Variants in MYBL1 observed in about 807,000 individuals in gnomAD.
MYBL1 encodes the protein MYB proto-oncogene like 1.
In MYBL1, 17 loss-of-function variants were observed where a neutral mutation model predicts 96.3. The observed-to-expected ratio is 0.18, with a 90% CI of 0.12 to 0.26. MYBL1 has a LOEUF of 0.26. MYBL1 is among the 10% of genes least tolerant of loss of function. The pLI, the probability that MYBL1 is intolerant of heterozygous loss-of-function variation, is 1.00. For missense variants in MYBL1, 701 were observed against 882.9 expected, an observed-to-expected ratio of 0.79 and a Z score of 2.61; for synonymous variants, 282 against 292.7, an observed-to-expected ratio of 0.96 and a Z score of 0.37.
chr8:66,593,444 T>C (rs2129944155), intron 6 of MYBL1, among the ~76,000 whole-genome samples: 1 of 152,332 alleles, frequency 6.6e-6, no homozygotes, highest in Non-Finnish European at 1.5e-5. Context: ...TGAGAATTAC[T>C]TAGCCTAGAT....
Position 66,564,700 on chromosome 8 carries a change from C to T in MYBL1, c.2256G>A (p.Leu752=), listed in dbSNP as rs1333156578. Reference sequence around the variant, plus strand: ...ATTTCATCAATTTTAATAACAATTACAGTATGAGAGCTCTTGAAGTACTAC... The same window carrying T: ...ATTTCATCAATTTTAATAACAATTATAGTATGAGAGCTCTTGAAGTACTAC... ...ATSSTSRALI[L] The change falls in exon 16 of 16, where the codon CTG becomes CTA. Residue 752 remains leucine, a synonymous_variant. Transcript: ENST00000522677. 5 of 1,573,656 alleles carry T rather than the reference C, an allele frequency of 3.2e-6. No individual in the cohort carries two copies. In the East Asian group the frequency reaches 9.2e-5, roughly 29 times the overall value.
At chr8:66,586,704 T>C (rs569395072) in intron 8 of MYBL1, among the ~76,000 whole-genome samples, 7 of 152,280 alleles carry the variant, frequency 4.6e-5, no homozygotes, top group African/African-American at 1.7e-4. Context: ...GAAAATCATA[T>C]ATGTACTTCC....
chr8:66,571,033 G>A (rs1439647985), intron 12 of MYBL1, among the ~76,000 whole-genome samples: 3 of 151,990 alleles, frequency 2.0e-5, no homozygotes, highest in Admixed American at 6.6e-5. Flanking sequence ...CTTTTGGGCA[G>A]AAAATTAATT....
At chr8:66,567,450 G>A (rs1312268457) in intron 12 of MYBL1, among the ~76,000 whole-genome samples, 1 of 151,918 alleles carries the variant, frequency 6.6e-6, no homozygotes, top group African/African-American at 2.4e-5. Flanking sequence ...TGAGAGCAAT[G>A]GTCAGGTCAT....
At chr8:66,599,801 CAA>C (rs879404223) in intron 3 of MYBL1, among the ~76,000 whole-genome samples, 2 of 131,082 alleles carry the variant, frequency 1.5e-5, no homozygotes, top group African/African-American at 2.8e-5. Context: ...ACTCTCATCT[CAA>C]AAAAAAAAAA....
Position 66,606,936 on chromosome 8 carries a change from G to A in MYBL1, c.21-4413C>T, listed in dbSNP as rs552124231. Among the ~76,000 whole-genome samples the A allele has an allele frequency of 8.7e-4, 133 of 152,068 alleles. 4 individuals are homozygous for A. The South Asian group carries it at 0.027, about 30-fold the overall frequency. On this transcript the variant is annotated intron_variant, in intron 1 of 15. Coordinates refer to ENST00000522677, the MANE Select transcript of MYBL1 (RefSeq NM_001080416.4). ...CTCCCAGGTAGAAGGAATTACAGGC[G>A]TCTGCCATCATGCCTGGCTAATTTT...
At chr8:66,606,421 AT>A (rs1810313716) in intron 1 of MYBL1, among the ~76,000 whole-genome samples, 2 of 152,354 alleles carry the variant, frequency 1.3e-5, no homozygotes, top group South Asian at 4.1e-4. Flanking sequence ...TCAAAAATTC[AT>A]TCTGATTTCA....
chr8:66,592,052 G>A lies in MYBL1; in HGVS notation c.867+388C>T, dbSNP rs1809667407. 2.0e-5 allele frequency among the ~76,000 whole-genome samples: 3 copies of A among 151,952 alleles called. No individual in the cohort carries two copies. The South Asian group carries it at 6.2e-4, about 32-fold the overall frequency. ...AGGCCAAGGCAGGAGAATCACTTGA[G>A]CCCAGGAGTTTGAGACCAGCCTGAG... On this transcript the variant is annotated intron_variant, in intron 8 of 15. Coordinates refer to ENST00000522677, the MANE Select transcript of MYBL1 (RefSeq NM_001080416.4).
At chr8:66,567,763 G>C (rs1808563701) in intron 12 of MYBL1, among the ~76,000 whole-genome samples, 1 of 151,924 alleles carries the variant, frequency 6.6e-6, no homozygotes, top group Admixed American at 6.6e-5. Context: ...AAAAGAACTG[G>C]CAGCACTTAA....
intron 9 of MYBL1, among the ~76,000 whole-genome samples, chr8:66,579,821 T>G (rs546233351): frequency 6.6e-6 from 1 of 152,284 alleles, no homozygotes; most frequent in African/African-American, 2.4e-5. Flanking sequence ...ATCAAATTAT[T>G]AACTCTGGGT....
intron 4 of MYBL1, 83 bp downstream of exon 4, chr8:66,598,967 T>C: frequency 1.2e-6 from 1 of 804,988 alleles, no homozygotes; most frequent in Non-Finnish European, 1.8e-6. Context: ...CTTAAACATG[T>C]ACTTCATATG....
Position 66,562,330 on chromosome 8 carries a change from T to C in MYBL1, c.*2367A>G, listed in dbSNP as rs1428791189. ...AACCTTACAATAAAATGCAGTATTA[T>C]GTATGTGTAGTCAGTTTCCATGCAA... On this transcript the variant is annotated 3_prime_UTR_variant, in exon 16 of 16. Transcript: ENST00000522677. The C allele has an allele frequency of 6.5e-6, 1 of 152,782 alleles. No homozygotes were observed. Among genetic ancestry groups the C allele is most frequent in the South Asian group, 2.1e-4 (1 of 4,828 alleles). The allele number at this position is 152,782 out of a possible 1,614,324, so 9.5% of individuals were successfully genotyped here. A position where few individuals can be genotyped will look rare whatever the true frequency, so the allele number is the denominator to read the frequency against.
chr8:66,566,328 C>T (rs1264078796), intron 14 of MYBL1, 85 bp from the exon 15 acceptor site: 1 of 751,580 alleles, frequency 1.3e-6, no homozygotes, highest in African/African-American at 1.9e-5. Context: ...GTAATGGAAG[C>T]CCTGTTTATT....
intron 8 of MYBL1, among the ~76,000 whole-genome samples, chr8:66,589,179 T>C (rs1018722779): frequency 6.6e-6 from 1 of 152,208 alleles, no homozygotes; most frequent in Non-Finnish European, 1.5e-5. Flanking sequence ...TCTTCCTTTT[T>C]AATGCAAAAT....
Position 66,581,646 on chromosome 8 carries a change from A to G in MYBL1, c.868-1280T>C, listed in dbSNP as rs1378170483. Among the ~76,000 whole-genome samples the G allele has an allele frequency of 2.0e-5, 3 of 152,230 alleles. No individual in the cohort carries two copies. In the South Asian group the frequency reaches 6.2e-4, roughly 32 times the overall value. Reference sequence around the variant, plus strand: ...AACTGTGATCACACCACCACACTCCAGCCTGGCTGACAGAGTGAGACCCTT... The same window carrying G: ...AACTGTGATCACACCACCACACTCCGGCCTGGCTGACAGAGTGAGACCCTT... On this transcript the variant is annotated intron_variant, in intron 8 of 15. Coordinates refer to ENST00000522677, the MANE Select transcript of MYBL1 (RefSeq NM_001080416.4).
chr8:66,580,413 A>T (rs776008741), intron 8 of MYBL1, 47 bp from the exon 9 acceptor site: 1 of 1,278,004 alleles, frequency 7.8e-7, no homozygotes, highest in Admixed American at 2.1e-5. Context: ...TTCTCAATGT[A>T]GGCATAAATT....
intron 8 of MYBL1, among the ~76,000 whole-genome samples, chr8:66,586,655 A>T (rs969036211): frequency 2.0e-5 from 3 of 152,212 alleles, no homozygotes; most frequent in Admixed American, 2.0e-4. Context: ...CTATGATATG[A>T]TGCAGTAATC....
At chr8:66,611,102 T>C (rs1247413841) in intron 1 of MYBL1, among the ~76,000 whole-genome samples, 1 of 152,130 alleles carries the variant, frequency 6.6e-6, no homozygotes, top group Non-Finnish European at 1.5e-5. Context: ...ACATATGAAA[T>C]GGACAGAAAA....
intron 11 of MYBL1, among the ~76,000 whole-genome samples, 193 bp from the exon 12 acceptor site, chr8:66,572,789 A>C (rs909622364): frequency 5.3e-5 from 8 of 152,220 alleles, no homozygotes; most frequent in Non-Finnish European, 7.3e-5. Context: ...TAAAATAGAA[A>C]AAAAGAATTA....
Sources: allele counts gnomAD v4.1 joint callset (sites outside exome capture counted in the v4.1 genomes callset), GRCh38; gene constraint gnomAD v4.1.1; transcripts MANE v1.5; gene names NCBI Gene and HGNC (gene_info 2026-07-23, HGNC 2026-07-21).